The following MAP2K4 variants were observed in gnomAD, a reference collection of about 807,000 sequenced individuals.
MAP2K4 encodes dual specificity mitogen-activated protein kinase kinase 4.
Under a neutral mutation model 48.5 loss-of-function variants are expected in MAP2K4, and 4 were observed. The observed-to-expected ratio is 0.08, with a 90% CI of 0.04 to 0.19. The LOEUF is 0.19. Ranked by LOEUF, MAP2K4 falls within the 10% of genes least tolerant of loss-of-function variation. The pLI is 1.00. For synonymous variants in MAP2K4, 166 were observed against 173.1 expected, an observed-to-expected ratio of 0.96 and a Z score of 0.32; for missense variants, 258 against 493.3, an observed-to-expected ratio of 0.52 and a Z score of 4.52.
intron 2 of MAP2K4, among the ~76,000 whole-genome samples, chr17:12,055,824 G>A (rs1298893973): frequency 1.3e-5 from 2 of 152,076 alleles, no homozygotes; most frequent in Non-Finnish European, 1.5e-5. Context: ...AAACAGCAAT[G>A]TCTAGAAGGG....
intron 7 of MAP2K4, among the ~76,000 whole-genome samples, chr17:12,114,958 G>A (rs1972439317): frequency 1.3e-5 from 2 of 152,184 alleles, no homozygotes. Context: ...TGGACCAGAT[G>A]AAATTCTTCT....
At chr17:12,079,360 A>G (rs1363412335) in intron 2 of MAP2K4, among the ~76,000 whole-genome samples, 1 of 152,242 alleles carries the variant, frequency 6.6e-6, no homozygotes, top group South Asian at 2.1e-4. Flanking sequence ...ATTTCTATAT[A>G]GTAATGAAAT....
intron 1 of MAP2K4, 103 bp from the exon 2 acceptor site, chr17:12,054,786 T>TA: frequency 1.5e-6 from 1 of 651,888 alleles, no homozygotes; most frequent in Non-Finnish European, 2.7e-6. Context: ...AACTGTTTGT[T>TA]AAAGCAAGTT....
intron 5 of MAP2K4, among the ~76,000 whole-genome samples, chr17:12,108,900 A>G (rs1482802105): frequency 6.6e-6 from 1 of 152,062 alleles, no homozygotes; most frequent in Admixed American, 6.6e-5. Flanking sequence ...AGCGGGGTAT[A>G]TGAAATTTTA....
chr17:12,133,483 A>G (rs1224992747), intron 9 of MAP2K4, among the ~76,000 whole-genome samples: 2 of 152,140 alleles, frequency 1.3e-5, no homozygotes, highest in African/African-American at 4.8e-5. Flanking sequence ...TGCATTCCTC[A>G]GATAAGGAAT....
At chr17:12,040,231 CAT>C (rs1343679920) in intron 1 of MAP2K4, among the ~76,000 whole-genome samples, 7 of 152,268 alleles carry the variant, frequency 4.6e-5, no homozygotes, top group Non-Finnish European at 8.8e-5. Context: ...CATTTTCAGA[CAT>C]ATGTGGGCTT....
chr17:12,110,784 C>T (rs1451060677), intron 6 of MAP2K4: 3 of 192,236 alleles, frequency 1.6e-5, no homozygotes, highest in African/African-American at 4.8e-5. Flanking sequence ...ATAGTACCCT[C>T]AAGCATTTTA....
At chr17:12,028,807 T>C (rs1204422472) in intron 1 of MAP2K4, among the ~76,000 whole-genome samples, 1 of 152,130 alleles carries the variant, frequency 6.6e-6, no homozygotes, top group Non-Finnish European at 1.5e-5. Context: ...CCACACCCTC[T>C]CTGATTTATA....
intron 2 of MAP2K4, chr17:12,069,890 CATATATATATATATATAT>C (rs56309746): frequency 0.095 from 17,290 of 182,862 alleles, 2,635 homozygotes; most frequent in Admixed American, 0.14. Flanking sequence ...GAAGATTAGT[CATATATATATATATATAT>C]ATATATATAT....
intron 7 of MAP2K4, among the ~76,000 whole-genome samples, chr17:12,121,895 G>T (rs1972706265): frequency 6.6e-6 from 1 of 152,066 alleles, no homozygotes; most frequent in Non-Finnish European, 1.5e-5. Context: ...ATAGAAAGTG[G>T]TATGTTTCTT....
chr17:12,065,102 G>A (rs186021572), intron 2 of MAP2K4, among the ~76,000 whole-genome samples: 1 of 152,188 alleles, frequency 6.6e-6, no homozygotes, highest in Admixed American at 6.5e-5. Context: ...GTGATGGAAT[G>A]CTCTGTATCT....
rs148478138 is a variant in MAP2K4, at chr17:12,048,545, G to C, written c.116-6344G>C. On this transcript the variant is annotated intron_variant, in intron 1 of 10. Coordinates refer to ENST00000353533, the MANE Select transcript of MAP2K4 (RefSeq NM_003010.4). ...TCTTATGTATCAAAGATTGCCAGTG[G>C]GGGGAGATAGGGGCAATATAATATT... 9.6e-3 allele frequency among the ~76,000 whole-genome samples: 1,466 copies of C among 152,266 alleles called. 20 individuals carry two copies. Among genetic ancestry groups the C allele is most frequent in the African/African-American group, 0.032 (1,342 of 41,538 alleles).
chr17:12,054,503 T>C (rs1459349320), intron 1 of MAP2K4, among the ~76,000 whole-genome samples: 1 of 152,152 alleles, frequency 6.6e-6, no homozygotes, highest in Admixed American at 6.5e-5. Context: ...GAAAACGATA[T>C]TTATTAAACT....
chr17:12,118,600 AAAT>A (rs1972576642), intron 7 of MAP2K4, among the ~76,000 whole-genome samples: 1 of 152,204 alleles, frequency 6.6e-6, no homozygotes, highest in Non-Finnish European at 1.5e-5. Flanking sequence ...TTCTCATAAA[AAAT>A]AATGTTTATG....
intron 3 of MAP2K4, among the ~76,000 whole-genome samples, chr17:12,088,343 C>T (rs1197307930): frequency 1.3e-5 from 2 of 149,086 alleles, no homozygotes; most frequent in Non-Finnish European, 3.0e-5. Flanking sequence ...TATGGCATAG[C>T]AGTATTGGTG....
At chr17:12,140,647 A>G (rs1205785255) in intron 10 of MAP2K4, among the ~76,000 whole-genome samples, 1 of 152,158 alleles carries the variant, frequency 6.6e-6, no homozygotes, top group African/African-American at 2.4e-5. Flanking sequence ...AAAGAATTAC[A>G]GCCTTTTTGT....
At chr17:12,024,239 A>C (rs1261182603) in intron 1 of MAP2K4, among the ~76,000 whole-genome samples, 1 of 152,004 alleles carries the variant, frequency 6.6e-6, no homozygotes. Context: ...AATTTGCTCT[A>C]CTCATTTTTT....
chr17:12,137,771 G>A (rs938678216), intron 9 of MAP2K4, among the ~76,000 whole-genome samples: 5 of 152,058 alleles, frequency 3.3e-5, no homozygotes, highest in African/African-American at 1.2e-4. Flanking sequence ...TCTTTATCAT[G>A]TAGGATAAAC....
intron 7 of MAP2K4, among the ~76,000 whole-genome samples, chr17:12,118,348 G>A (rs187057594): frequency 8.5e-5 from 13 of 152,226 alleles, no homozygotes; most frequent in East Asian, 3.9e-4. Context: ...CAGTAGGCCC[G>A]TATAGGTATA....
Sources: gnomAD v4.1 joint callset for allele counts (sites outside exome capture counted in the v4.1 genomes callset) on GRCh38, gnomAD v4.1.1 for gene constraint, MANE v1.5 for transcripts, NCBI Gene and HGNC (gene_info 2026-07-23, HGNC 2026-07-21) for gene names.